HERC2: variants seen among roughly 807,000 people sequenced by gnomAD.
The protein encoded by HERC2 is E3 ubiquitin-protein ligase HERC2.
Under a neutral mutation model 537.7 loss-of-function variants are expected in HERC2, and 102 were observed. The observed-to-expected ratio is 0.19, with a 90% CI of 0.16 to 0.22. HERC2 has a LOEUF of 0.22. Ranked by LOEUF, HERC2 falls within the 10% of genes least tolerant of loss-of-function variation. The pLI is 1.00. For synonymous variants in HERC2, 2,224 were observed against 2,466.2 expected (o/e 0.90, Z 2.91); for missense variants, 4,236 against 6,198.2 (o/e 0.68, Z 10.63).
At chr15:28,224,898 TG>T (rs1211989145) in intron 35 of HERC2, among the ~76,000 whole-genome samples, 2 of 152,034 alleles carry the variant, frequency 1.3e-5, no homozygotes, top group Non-Finnish European at 2.9e-5. Flanking sequence ...AAACAACCAG[TG>T]GGTCAAAGAA....
At chr15:28,127,254 A>G (rs893242877) in intron 83 of HERC2, among the ~76,000 whole-genome samples, 2 of 152,188 alleles carry the variant, frequency 1.3e-5, no homozygotes, top group African/African-American at 4.8e-5. Flanking sequence ...GGCATAGGGA[A>G]TGAGTCTGTG....
At chr15:28,263,858 C>G (rs866799986) in intron 14 of HERC2, among the ~76,000 whole-genome samples, 12 of 151,704 alleles carry the variant, frequency 7.9e-5, no homozygotes, top group Admixed American at 4.6e-4. Context: ...ATGGCAAAAC[C>G]CTGTCTGTAC....
At chr15:28,244,087 C>T (rs966901908) in intron 23 of HERC2, among the ~76,000 whole-genome samples, 1 of 151,980 alleles carries the variant, frequency 6.6e-6, no homozygotes, top group Non-Finnish European at 1.5e-5. Flanking sequence ...CTGCTTGAGC[C>T]GGGGAGGTCA....
rs946768027 is a variant in HERC2 at position 28,272,479 on chromosome 15, T to C, written c.912-93A>G. On this transcript the variant is annotated intron_variant, in intron 8 of 92. Transcript: ENST00000261609. ...ATAAAAGCAAATAGCTGGATAGAAG[T>C]GAACAAATACTTGGGATTTGAAAGG... 7.8e-6 allele frequency: 9 copies of C among 1,157,160 alleles called. No individual in the cohort carries two copies. In the African/African-American group the frequency reaches 1.1e-4, roughly 14 times the overall value. 71.7% of individuals were successfully genotyped at this position (1,157,160 alleles called of 1,614,324 possible). A position where few individuals can be genotyped will look rare whatever the true frequency, so the allele number is the denominator to read the frequency against.
chr15:28,283,055 A>C lies in HERC2; in HGVS notation c.323-2768T>G, dbSNP rs1422652279. Among the ~76,000 whole-genome samples the C allele has an allele frequency of 4.5e-4, 68 of 150,962 alleles. No homozygotes were observed. In the East Asian group the frequency reaches 9.0e-3, roughly 20 times the overall value. On this transcript the variant is annotated intron_variant, in intron 4 of 92. Transcript: ENST00000261609. ...AGCAAAAAAAAAAAAAAAAAAAAAA[A>C]AAAACCAGTCTTGGGGACCTATGGG...
intron 20 of HERC2, among the ~76,000 whole-genome samples, chr15:28,251,792 T>A (rs2140861477): frequency 6.6e-6 from 1 of 152,286 alleles, no homozygotes; most frequent in East Asian, 1.9e-4. Context: ...AGAGCAAGAC[T>A]CCATCTCAAA....
At position 28,230,444 on chromosome 15, in the gene HERC2, C is replaced by T. The variant is rs537391881; in HGVS notation, c.4732G>A (p.Asp1578Asn). Residue 1578 changes from aspartate to asparagine, a missense_variant, in exon 31 of 93, where the codon GAT (aspartate) becomes AAT (asparagine). Around this residue, in one of 27 missense-constraint regions of HERC2, gnomAD observed 343 missense variants for 417.2 expected, o/e 0.82. Coordinates refer to ENST00000261609, the MANE Select transcript of HERC2 (RefSeq NM_004667.6). ...GGCAAAATGCAAGCTTCTTCTAAATCACTCTCTTCGTTTCCAATTTTTTCT... is the reference window on the plus strand; with the variant it reads ...GGCAAAATGCAAGCTTCTTCTAAATTACTCTCTTCGTTTCCAATTTTTTCT... ...DEEKIGNEES[D>N]LEEACILPHS... The T allele has an allele frequency of 8.4e-6, 12 of 1,433,950 alleles. No homozygotes were observed. Among genetic ancestry groups the T allele is most frequent in the Non-Finnish European group, 1.1e-5 (11 of 1,033,254 alleles). The allele number at this position is 1,433,950 out of a possible 1,614,324, so 88.8% of individuals were successfully genotyped here. A position where few individuals can be genotyped will look rare whatever the true frequency, so the allele number is the denominator to read the frequency against.
intron 68 of HERC2, among the ~76,000 whole-genome samples, chr15:28,166,116 T>C (rs1015825499): frequency 6.6e-6 from 1 of 152,226 alleles, no homozygotes; most frequent in African/African-American, 2.4e-5. Context: ...TTAACCCGAA[T>C]GCTTCACCAA....
rs532795517 is a variant in HERC2 at position 28,192,158 on chromosome 15, C to T, written c.8261-7G>A. 6.2e-6 allele frequency: 10 copies of T among 1,606,020 alleles called. No homozygotes were observed. The African/African-American group carries it at 6.7e-5, about 11-fold the overall frequency. On this transcript the variant is annotated splice_polypyrimidine_tract_variant and splice_region_variant and intron_variant, in intron 52 of 92. Transcript: ENST00000261609. ...CAAAATACCGCAGACTGACCTATTT[C>T]GTGATAGTCAAAAAGAGAATTAACC...
intron 84 of HERC2, 32 bp from the exon 85 acceptor site, chr15:28,124,266 G>A (rs1384366444): frequency 7.2e-6 from 10 of 1,380,702 alleles, no homozygotes; most frequent in Non-Finnish European, 8.6e-6. Flanking sequence ...CAGCCCCTCA[G>A]GCACCAAAGG....
rs1902655579 is a variant in HERC2 at position 28,238,102 on chromosome 15, A to G, written c.3852+12T>C. ...TGCCATCCTCTGCATCACTCAAGGC[A>G]TACAGCCTCACCTCCAAATACTGGC... On this transcript the variant is annotated intron_variant, in intron 25 of 92. Coordinates refer to ENST00000261609, the MANE Select transcript of HERC2 (RefSeq NM_004667.6). 1.3e-6 allele frequency: 2 copies of G among 1,584,570 alleles called. No individual in the cohort carries two copies. Among genetic ancestry groups the G allele is most frequent in the South Asian group, 2.2e-5 (2 of 90,466 alleles).
chr15:28,307,123 C>T (rs2076810696), intron 2 of HERC2, among the ~76,000 whole-genome samples: 1 of 152,234 alleles, frequency 6.6e-6, no homozygotes, highest in Admixed American at 6.5e-5. Context: ...GCATGAGCCA[C>T]CACGCCCGGC....
chr15:28,284,969 T>C (rs1315409654), intron 4 of HERC2, among the ~76,000 whole-genome samples: 1 of 122,914 alleles, frequency 8.1e-6, no homozygotes, highest in African/African-American at 3.0e-5. Flanking sequence ...CAGGAACAGA[T>C]GGCAACATTA....
intron 2 of HERC2, among the ~76,000 whole-genome samples, chr15:28,312,017 G>C (rs192035757): frequency 2.3e-4 from 35 of 152,356 alleles, no homozygotes; most frequent in Admixed American, 7.2e-4. Flanking sequence ...GCCAGACCTT[G>C]TCTTTCTGAG....
Position 28,174,196 on chromosome 15 carries a change from C to T in HERC2, c.10057+199G>A, listed in dbSNP as rs1895002801. Among the ~76,000 whole-genome samples, 3 of 151,944 alleles carry T rather than the reference C, an allele frequency of 2.0e-5. No individual in the cohort carries two copies. In the South Asian group the frequency reaches 6.3e-4, roughly 32 times the overall value. On this transcript the variant is annotated intron_variant, in intron 65 of 92. Coordinates refer to ENST00000261609, the MANE Select transcript of HERC2 (RefSeq NM_004667.6). ...ACCTGATCATAAATACAAGAATCAG[C>T]AACATACTTTCTTCTAAAATTTTCA...
chr15:28,112,410 G>C (rs948988935), intron 92 of HERC2, among the ~76,000 whole-genome samples: 1 of 152,194 alleles, frequency 6.6e-6, no homozygotes, highest in Non-Finnish European at 1.5e-5. Context: ...GAAACGGCAA[G>C]AATTATGGAC....
In HERC2 at chr15:28,260,871, T is replaced by C. The variant is rs759542663; in HGVS notation, c.2222A>G (p.His741Arg). ...HSWGSNDQCQHFDTLRVTKPE... is the reference protein window; with the variant it reads ...HSWGSNDQCQRFDTLRVTKPE... ...CTTGGTCACGCGCAAGGTGTCAAAG[T>C]GCTGGCACTGGTCGTTGCTCCCCCA... Residue 741 changes from histidine (H) to arginine (R), a missense_variant, in exon 16 of 93, where the codon CAC becomes CGC. His to Arg is a conservative substitution (Grantham distance 29). This residue lies in a region of HERC2 where 754 missense variants were observed against 1,085.0 expected (regional missense o/e 0.69). Transcript: ENST00000261609. The C allele has an allele frequency of 1.2e-6, 2 of 1,614,252 alleles. No homozygotes were observed. The highest frequency in any genetic ancestry group is 1.7e-6 in the Non-Finnish European group (2 of 1,180,052).
At chr15:28,124,896 C>T in intron 84 of HERC2, 110 bp downstream of exon 84, 1 of 1,126,344 alleles carries the variant, frequency 8.9e-7, no homozygotes, top group Non-Finnish European at 1.3e-6. Flanking sequence ...ATTTACTGAG[C>T]CTGAATTATT....
intron 69 of HERC2, among the ~76,000 whole-genome samples, chr15:28,160,800 G>T (rs1293720956): frequency 1.3e-5 from 2 of 152,202 alleles, no homozygotes; most frequent in Non-Finnish European, 2.9e-5. Context: ...TGGAAATGCA[G>T]AAATCACCCA....
Sources: gnomAD v4.1 joint callset for allele counts (sites outside exome capture counted in the v4.1 genomes callset) on GRCh38, gnomAD v4.1.1 for gene constraint, gnomAD v4.1.1 regional missense constraint, MANE v1.5 for transcripts, NCBI Gene and HGNC (gene_info 2026-07-23, HGNC 2026-07-21) for gene names.